The following HS3ST5 variants were observed in gnomAD, a reference collection of about 807,000 sequenced individuals.
HS3ST5 encodes the protein heparan sulfate-glucosamine 3-sulfotransferase 5, also known as heparan sulfate glucosamine 3-O-sulfotransferase 5.
HS3ST5 carries 10 observed loss-of-function variants against 25.4 expected under a neutral mutation model. The observed-to-expected ratio is 0.39, with a 90% CI of 0.24 to 0.67. The LOEUF (loss-of-function observed/expected upper bound fraction) is 0.67, where lower values mean the gene tolerates loss of function less well. Ranked by LOEUF, HS3ST5 falls within the 30% of genes least tolerant of loss-of-function variation. The pLI is 0.44. For missense variants in HS3ST5, 324 were observed against 420.7 expected (o/e 0.77, Z 2.01); for synonymous variants, 170 against 162.4 (o/e 1.05, Z -0.36).
At chr6:114,300,912 T>C (rs568686225) in intron 1 of HS3ST5, among the ~76,000 whole-genome samples, 1 of 152,278 alleles carries the variant, frequency 6.6e-6, no homozygotes, top group East Asian at 1.9e-4. Context: ...GACCACATAT[T>C]GTATGCTTAG....
chr6:114,313,924 TTTTG>T (rs142229669), intron 1 of HS3ST5, among the ~76,000 whole-genome samples: 93,837 of 151,612 alleles, frequency 0.62, 29,305 homozygotes, highest in Non-Finnish European at 0.66. Flanking sequence ...CTAACCCCCA[TTTTG>T]TTTGTTTGTT....
Position 114,151,414 on chromosome 6 carries a change from G to A in HS3ST5, c.-33+16937C>T, listed in dbSNP as rs573218878. 3.2e-4 allele frequency among the ~76,000 whole-genome samples: 49 copies of A among 152,300 alleles called. 1 individual carries two copies. In the South Asian group the frequency reaches 4.1e-3, roughly 13 times the overall value. On this transcript the variant is annotated intron_variant, in intron 3 of 4. Transcript: ENST00000312719. ...TATGGCATAGCTTTGTTTTAGGCCC[G>A]CTGACTCTTGCTGAATTTGGAATAA... is the stretch of plus-strand genomic sequence containing the variant.
chr6:114,201,988 C>T (rs560916748), intron 2 of HS3ST5, among the ~76,000 whole-genome samples: 10 of 152,150 alleles, frequency 6.6e-5, no homozygotes, highest in East Asian at 1.9e-4. Context: ...TACCTCCCAC[C>T]GGGTCTCTCC....
At chr6:114,282,398 T>C (rs1314185455) in intron 1 of HS3ST5, among the ~76,000 whole-genome samples, 3 of 151,954 alleles carry the variant, frequency 2.0e-5, no homozygotes, top group Non-Finnish European at 4.4e-5. Context: ...GAATTGACTT[T>C]ATAATTGGAG....
At chr6:114,231,847 G>A (rs572865659) in intron 1 of HS3ST5, among the ~76,000 whole-genome samples, 1 of 151,974 alleles carries the variant, frequency 6.6e-6, no homozygotes, top group East Asian at 1.9e-4. Context: ...GCCATCTTGG[G>A]ATCATGAGAG....
At chr6:114,276,249 C>A (rs1773849098) in intron 1 of HS3ST5, among the ~76,000 whole-genome samples, 1 of 151,684 alleles carries the variant, frequency 6.6e-6, no homozygotes, top group Non-Finnish European at 1.5e-5. Context: ...GGATTAGAAT[C>A]ATTGACCTAT....
intron 2 of HS3ST5, among the ~76,000 whole-genome samples, chr6:114,197,280 G>T (rs1780807361): frequency 6.6e-6 from 1 of 151,676 alleles, no homozygotes; most frequent in Admixed American, 6.6e-5. Flanking sequence ...TGTTTGTTTT[G>T]TTGTCAGTCC....
intron 2 of HS3ST5, among the ~76,000 whole-genome samples, chr6:114,210,316 C>CA (rs1781457043): frequency 6.6e-6 from 1 of 151,964 alleles, no homozygotes; most frequent in South Asian, 2.1e-4. Context: ...ATTATATGAA[C>CA]AAAAAATGCA....
intron 1 of HS3ST5, among the ~76,000 whole-genome samples, chr6:114,228,989 T>C (rs1172606756): frequency 1.3e-5 from 2 of 152,202 alleles, no homozygotes; most frequent in African/African-American, 4.8e-5. Flanking sequence ...TTCCTATTGC[T>C]TTAATTGACT....
chr6:114,294,441 CTTTTTTTTTTTTT>C (rs57443813), intron 1 of HS3ST5, among the ~76,000 whole-genome samples: 6 of 112,968 alleles, frequency 5.3e-5, no homozygotes. Flanking sequence ...AGGTTAGAAA[CTTTTTTTTTTTTT>C]TTTTTTTTTG....
At chr6:114,241,754 G>A (rs886649427) in intron 1 of HS3ST5, among the ~76,000 whole-genome samples, 1 of 152,138 alleles carries the variant, frequency 6.6e-6, no homozygotes, top group Non-Finnish European at 1.5e-5. Context: ...GAGTTTTGTG[G>A]TGGGGGTGTA....
intron 3 of HS3ST5, chr6:114,167,747 G>A (rs1241502424): frequency 1.3e-5 from 2 of 152,110 alleles, no homozygotes; most frequent in Admixed American, 1.3e-4. Context: ...CAAGGACACA[G>A]GATATATGCA....
At chr6:114,316,759 C>T (rs1775763509) in intron 1 of HS3ST5, among the ~76,000 whole-genome samples, 1 of 152,112 alleles carries the variant, frequency 6.6e-6, no homozygotes, top group Non-Finnish European at 1.5e-5. Context: ...TCAATTGAAT[C>T]AACAGCACAA....
At chr6:114,124,791 A>C (rs968022480) in intron 3 of HS3ST5, among the ~76,000 whole-genome samples, 7 of 152,222 alleles carry the variant, frequency 4.6e-5, no homozygotes, top group Non-Finnish European at 8.8e-5. Context: ...ATTAACAATC[A>C]GCTATCGATT....
At chr6:114,183,028 T>C (rs1780041494) in intron 2 of HS3ST5, among the ~76,000 whole-genome samples, 1 of 152,174 alleles carries the variant, frequency 6.6e-6, no homozygotes, top group African/African-American at 2.4e-5. Flanking sequence ...ATTTACACCA[T>C]TGGCTCCTCT....
intron 1 of HS3ST5, among the ~76,000 whole-genome samples, chr6:114,280,967 TA>T (rs1415544184): frequency 6.6e-6 from 1 of 152,040 alleles, no homozygotes; most frequent in Admixed American, 6.6e-5. Context: ...TAACATAAGA[TA>T]GTAGCCTTGT....
chr6:114,120,205 C>A (rs902683878), intron 3 of HS3ST5, among the ~76,000 whole-genome samples: 3 of 151,908 alleles, frequency 2.0e-5, no homozygotes, highest in Non-Finnish European at 4.4e-5. Flanking sequence ...AAACAATGAA[C>A]AGACAAGCCC....
intron 4 of HS3ST5, among the ~76,000 whole-genome samples, chr6:114,060,634 C>CT (rs1435896147): frequency 6.6e-6 from 1 of 152,226 alleles, no homozygotes; most frequent in East Asian, 1.9e-4. Context: ...CACTCAAATT[C>CT]TTTTTTGTAG....
chr6:114,211,900 G>T (rs1681534269), intron 2 of HS3ST5, among the ~76,000 whole-genome samples: 1 of 152,218 alleles, frequency 6.6e-6, no homozygotes, highest in Non-Finnish European at 1.5e-5. Context: ...ATATCCTCAA[G>T]TAACATAACA....
Sources: gnomAD v4.1 joint callset for allele counts (sites outside exome capture counted in the v4.1 genomes callset) on GRCh38, gnomAD v4.1.1 for gene constraint, MANE v1.5 for transcripts, NCBI Gene and HGNC (gene_info 2026-07-23, HGNC 2026-07-21) for gene names.